The following IL34 variants were observed in gnomAD, a reference collection of about 807,000 sequenced individuals.
IL34 encodes interleukin-34.
In IL34, 17 loss-of-function variants were observed where a neutral mutation model predicts 25.3. The observed-to-expected ratio is 0.67, with a 90% CI of 0.46 to 1.01. IL34 has a LOEUF of 1.01. Ranked by LOEUF, IL34 falls within the 50% of genes least tolerant of loss-of-function variation. The pLI is 0.00. For missense variants in IL34, 368 were observed against 312.9 expected, an observed-to-expected ratio of 1.18 and a Z score of -1.33; for synonymous variants, 174 against 140.9, an observed-to-expected ratio of 1.23 and a Z score of -1.66.
At chr16:70,640,618 C>T (rs920836167) in intron 1 of IL34, among the ~76,000 whole-genome samples, 11 of 128,638 alleles carry the variant, frequency 8.6e-5, no homozygotes, top group African/African-American at 3.3e-4. Context: ...AGCAAGACTC[C>T]GTCTCAATAA....
upstream of IL34, among the ~76,000 whole-genome samples, chr16:70,643,774 C>G (rs1047168604): frequency 1.3e-5 from 2 of 151,974 alleles, no homozygotes; most frequent in African/African-American, 4.8e-5. Flanking sequence ...TAAAAAATAA[C>G]CAGGGAAAAT....
chr16:70,621,359 T>C (rs1012255924), intron 1 of IL34, among the ~76,000 whole-genome samples: 26 of 151,382 alleles, frequency 1.7e-4, no homozygotes, highest in African/African-American at 6.3e-4. Flanking sequence ...TCCCAGAAAA[T>C]GAAAGGAATT....
intron 1 of IL34, among the ~76,000 whole-genome samples, chr16:70,604,340 C>T (rs2050964189): frequency 6.6e-6 from 1 of 152,156 alleles, no homozygotes; most frequent in East Asian, 1.9e-4. Flanking sequence ...CTGCAAACAC[C>T]CATTTCCCCT....
intron 1 of IL34, among the ~76,000 whole-genome samples, chr16:70,583,805 C>T (rs2050661363): frequency 6.6e-6 from 1 of 152,128 alleles, no homozygotes; most frequent in Non-Finnish European, 1.5e-5. Context: ...GTGTGCGCCA[C>T]CACGCCTGGC....
chr16:70,642,487 G>T (rs191281035), upstream of IL34, among the ~76,000 whole-genome samples: 1 of 151,890 alleles, frequency 6.6e-6, no homozygotes, highest in Non-Finnish European at 1.5e-5. Flanking sequence ...TAGTGGAGAC[G>T]GTGTTTCACC....
intron 1 of IL34, among the ~76,000 whole-genome samples, chr16:70,596,725 A>C (rs941077924): frequency 2.6e-5 from 4 of 152,160 alleles, no homozygotes; most frequent in Non-Finnish European, 5.9e-5. Flanking sequence ...GTAGCTTACC[A>C]CTGACTGCAA....
chr16:70,650,663 C>T (rs891809301), intron 1 of IL34, among the ~76,000 whole-genome samples: 10 of 152,262 alleles, frequency 6.6e-5, no homozygotes, highest in Non-Finnish European at 2.9e-5. Flanking sequence ...AGGTGGCTCT[C>T]GGGACACCAG....
At chr16:70,624,093 G>A (rs528035290) in intron 1 of IL34, among the ~76,000 whole-genome samples, 1 of 152,238 alleles carries the variant, frequency 6.6e-6, no homozygotes, top group South Asian at 2.1e-4. Context: ...AGAGAGCCTT[G>A]GGCCAGAGTT....
intron 1 of IL34, among the ~76,000 whole-genome samples, chr16:70,596,607 G>A (rs1453285068): frequency 6.6e-6 from 1 of 152,106 alleles, no homozygotes; most frequent in African/African-American, 2.4e-5. Context: ...CTGAAGCCAC[G>A]CATATGCCTC....
At chr16:70,642,042 C>A (rs749751622), upstream of IL34, among the ~76,000 whole-genome samples, 1 of 152,074 alleles carries the variant, frequency 6.6e-6, no homozygotes, top group Non-Finnish European at 1.5e-5. Context: ...GTTTACCTGG[C>A]CTTCCATAAA....
Position 70,660,072 on chromosome 16 carries a change from T to C in IL34, c.614T>C (p.Leu205Ser), listed in dbSNP as rs757060030. The C allele has an allele frequency of 6.2e-7, 1 of 1,613,572 alleles. No individual in the cohort carries two copies. The highest frequency in any genetic ancestry group is 8.5e-7 in the Non-Finnish European group (1 of 1,179,812). ...SPQSCSPEPS[L>S]QYAATQLYPP... Reference sequence around the variant, plus strand: ...CAGTCTTGCAGCCCAGAGCCCTCATTGCAGTATGCGGCCACCCAGCTGTAC... The same window carrying C: ...CAGTCTTGCAGCCCAGAGCCCTCATCGCAGTATGCGGCCACCCAGCTGTAC... The change falls in exon 6 of 6, where the codon TTG (leucine) becomes TCG (serine). Residue 205 changes from leucine (L) to serine (S), a missense_variant. By Grantham distance (145) the Leu-to-Ser change is moderately radical. Coordinates refer to ENST00000288098, the MANE Select transcript of IL34 (RefSeq NM_001393494.1).
chr16:70,633,375 T>A (rs2051563386), intron 1 of IL34, among the ~76,000 whole-genome samples: 1 of 151,876 alleles, frequency 6.6e-6, no homozygotes, highest in Non-Finnish European at 1.5e-5. Flanking sequence ...TGCCTCAGCC[T>A]CCTGAGTAGC....
chr16:70,601,264 A>AC (rs2050912756), intron 1 of IL34, among the ~76,000 whole-genome samples: 1 of 151,792 alleles, frequency 6.6e-6, no homozygotes, highest in African/African-American at 2.4e-5. Flanking sequence ...TTATTTATTT[A>AC]TTTAAAAATA....
intron 1 of IL34, among the ~76,000 whole-genome samples, chr16:70,635,289 A>G (rs2051615812): frequency 6.6e-6 from 1 of 152,230 alleles, no homozygotes; most frequent in Admixed American, 6.5e-5. Flanking sequence ...TTTGCTCCAT[A>G]GAGGGGATAA....
intron 4 of IL34, among the ~76,000 whole-genome samples, chr16:70,658,244 G>A (rs2052286325): frequency 6.6e-6 from 1 of 152,230 alleles, no homozygotes; most frequent in African/African-American, 2.4e-5. Context: ...AGCTTTCCTG[G>A]AACCAGACTG....
rs1056445927 is a variant in IL34, at chr16:70,646,805, C to G, written c.-143C>G. ...TTGGGGCACCTGCTCACTCCCGCAG[C>G]CCAGCCACTCCTCCAGGGCCAGCCC... On this transcript the variant is annotated 5_prime_UTR_variant, in exon 1 of 6. Coordinates refer to ENST00000288098, the MANE Select transcript of IL34 (RefSeq NM_001393494.1). The G allele has an allele frequency of 1.5e-5, 11 of 745,504 alleles. No homozygotes were observed. Among genetic ancestry groups the G allele is most frequent in the African/African-American group, 1.9e-5 (1 of 53,134 alleles). The allele number at this position is 745,504 out of a possible 1,614,324, so 46.2% of individuals were successfully genotyped here.
At chr16:70,632,677 G>A (rs2051546589) in intron 1 of IL34, among the ~76,000 whole-genome samples, 1 of 152,134 alleles carries the variant, frequency 6.6e-6, no homozygotes, top group Admixed American at 6.6e-5. Flanking sequence ...TTGAGAGAGT[G>A]AAGGGGGTAT....
At position 70,660,091 on chromosome 16, in the gene IL34, G is replaced by T; in HGVS notation, c.633G>T (p.Gln211His). The stretch of plus-strand genomic sequence containing the variant: ...CCTCATTGCAGTATGCGGCCACCCA[G>T]CTGTACCCTCCGCCCCCGTGGTCCC... The part of the protein sequence containing the change: ...PEPSLQYAAT[Q>H]LYPPPPWSPS... The change falls in exon 6 of 6, where the codon CAG (glutamine) becomes CAT (histidine). Residue 211 changes from glutamine (Q) to histidine (H), a missense_variant. Transcript: ENST00000288098. 1 of 1,613,680 alleles carries T rather than the reference G, an allele frequency of 6.2e-7. No homozygotes were observed. Among genetic ancestry groups the T allele is most frequent in the Non-Finnish European group, 8.5e-7 (1 of 1,179,888 alleles).
chr16:70,606,730 A>G (rs940404899), intron 1 of IL34, among the ~76,000 whole-genome samples: 2 of 151,946 alleles, frequency 1.3e-5, no homozygotes, highest in African/African-American at 4.8e-5. Flanking sequence ...TGTAACCACA[A>G]GTATGTGCCA....
Sources: gnomAD v4.1 joint callset for allele counts (sites outside exome capture counted in the v4.1 genomes callset) on GRCh38, gnomAD v4.1.1 for gene constraint, MANE v1.5 for transcripts, NCBI Gene and HGNC (gene_info 2026-07-23, HGNC 2026-07-21) for gene names.